The following TUBGCP3 variants were observed in gnomAD, a reference collection of about 807,000 sequenced individuals.
The protein encoded by TUBGCP3 is tubulin gamma complex component 3.
TUBGCP3 carries 50 observed loss-of-function variants against 123.1 expected under a neutral mutation model. The observed-to-expected ratio is 0.41, with a 90% CI of 0.32 to 0.51. The LOEUF is 0.51. Ranked by LOEUF, TUBGCP3 falls within the 20% of genes least tolerant of loss-of-function variation. TUBGCP3 has a pLI of 0.36. For missense variants in TUBGCP3, 882 were observed against 1,127.0 expected (o/e 0.78, Z 3.11); for synonymous variants, 405 against 413.9 (o/e 0.98, Z 0.26).
rs564229910 is a variant in TUBGCP3, at chr13:112,558,079, T to C, written c.548+117A>G. The C allele has an allele frequency of 2.6e-6, 3 of 1,138,106 alleles. No homozygotes were observed. The Admixed American group carries it at 7.8e-5, about 30-fold the overall frequency. The allele number at this position is 1,138,106 out of a possible 1,614,324, so 70.5% of individuals were successfully genotyped here. On this transcript the variant is annotated intron_variant, in intron 5 of 21. Coordinates refer to ENST00000261965, the MANE Select transcript of TUBGCP3 (RefSeq NM_006322.6). ...ATCGGACACAGTGCCCAGAACACTG[T>C]CTGGCACGTATGAGGCCCCACTGAT...
chr13:112,588,208 T>C, upstream of TUBGCP3: 1 of 394,678 alleles, frequency 2.5e-6, no homozygotes, highest in Non-Finnish European at 4.5e-6. Context: ...CGCGTGCGGC[T>C]GCCTAAGCGT....
chr13:112,568,069 A>G (rs1053828821), intron 2 of TUBGCP3, among the ~76,000 whole-genome samples: 3 of 151,520 alleles, frequency 2.0e-5, no homozygotes, highest in Non-Finnish European at 2.9e-5. Flanking sequence ...CCACGGCCAA[A>G]TGGACTTCTA....
intron 19 of TUBGCP3, 41 bp downstream of exon 19, chr13:112,503,991 A>G: frequency 6.4e-7 from 1 of 1,560,818 alleles, no homozygotes. Flanking sequence ...AAAGAAGATG[A>G]TTCTTTTGGT....
chr13:112,503,883 C>T (rs1208269933), intron 19 of TUBGCP3, 149 bp downstream of exon 19: 17 of 1,016,308 alleles, frequency 1.7e-5, no homozygotes, highest in Non-Finnish European at 2.2e-5. Context: ...AGAAACTGTA[C>T]CTTCAACAGT....
rs1218017195 is a variant in TUBGCP3, at chr13:112,489,610, G to C, written c.2536C>G (p.Gln846Glu). 3.1e-6 allele frequency: 5 copies of C among 1,614,182 alleles called. No individual in the cohort carries two copies. The Admixed American group carries it at 8.3e-5, about 27-fold the overall frequency. Residue 846 changes from glutamine (Q) to glutamate (E), a missense_variant, in exon 21 of 22, where the codon CAG (glutamine) becomes GAG (glutamate). Coordinates refer to ENST00000261965, the MANE Select transcript of TUBGCP3 (RefSeq NM_006322.6). ...FKESIPKMCS[Q>E]LRILTHFYQG... ...TAGAAATGGGTCAATATTCGCAACTGTGAGCACATTTTTGGTATAGATTCT... is the reference window on the plus strand; with the variant it reads ...TAGAAATGGGTCAATATTCGCAACTCTGAGCACATTTTTGGTATAGATTCT...
At chr13:112,523,208 G>C (rs2139073417) in intron 13 of TUBGCP3, among the ~76,000 whole-genome samples, 1 of 152,278 alleles carries the variant, frequency 6.6e-6, no homozygotes, top group South Asian at 2.1e-4. Flanking sequence ...ACTTAAGCTA[G>C]ACAATAACCC....
At chr13:112,596,267 T>C in the TUBGCP3 span, among the ~76,000 whole-genome samples, 1 of 152,236 alleles carries the variant, frequency 6.6e-6, no homozygotes, top group African/African-American at 2.4e-5. Context: ...TTTCATTTCC[T>C]ATTTCAAGAA....
chr13:112,491,002 G>C (rs1245127229), intron 20 of TUBGCP3, among the ~76,000 whole-genome samples: 1 of 152,204 alleles, frequency 6.6e-6, no homozygotes, highest in Non-Finnish European at 1.5e-5. Flanking sequence ...GAAAGAGTAA[G>C]TTCTTTCTCA....
chr13:112,536,702 A>G (rs1878083575), intron 11 of TUBGCP3, among the ~76,000 whole-genome samples: 1 of 152,198 alleles, frequency 6.6e-6, no homozygotes, highest in Non-Finnish European at 1.5e-5. Flanking sequence ...CTCTACCTAT[A>G]TATAATCTTT....
chr13:112,529,977 C>A (rs1322206831), intron 11 of TUBGCP3, among the ~76,000 whole-genome samples: 1 of 152,160 alleles, frequency 6.6e-6, no homozygotes, highest in Non-Finnish European at 1.5e-5. Context: ...AGAGAGAAGA[C>A]CCTGAAAACG....
intron 3 of TUBGCP3, among the ~76,000 whole-genome samples, chr13:112,563,316 C>T (rs1412213299): frequency 6.6e-6 from 1 of 152,140 alleles, no homozygotes; most frequent in Non-Finnish European, 1.5e-5. Context: ...CACACTTCTG[C>T]GGAGCCATTT....
chr13:112,579,403 G>A (rs1230553124), intron 1 of TUBGCP3, among the ~76,000 whole-genome samples: 4 of 123,380 alleles, frequency 3.2e-5, no homozygotes, highest in East Asian at 2.6e-4. Context: ...TGGGGCTCTC[G>A]CACACTGCTG....
chr13:112,554,035 A>T, intron 8 of TUBGCP3, 22 bp downstream of exon 8: 1 of 1,603,780 alleles, frequency 6.2e-7, no homozygotes, highest in Non-Finnish European at 8.5e-7. Flanking sequence ...GCATCCCAGC[A>T]TCCTAGGAAC....
At chr13:112,516,749 G>A (rs1055001165) in intron 16 of TUBGCP3, among the ~76,000 whole-genome samples, 174 bp from the exon 17 acceptor site, 3 of 152,094 alleles carry the variant, frequency 2.0e-5, no homozygotes, top group Admixed American at 6.5e-5. Context: ...GTACAGATGG[G>A]GAAACAGAGG....
intron 1 of TUBGCP3, among the ~76,000 whole-genome samples, chr13:112,585,480 C>A (rs568293312): frequency 2.0e-4 from 30 of 152,258 alleles, no homozygotes; most frequent in African/African-American, 7.0e-4. Flanking sequence ...TCAGAGAGGG[C>A]CGGGCGCAGT....
Position 112,558,220 on chromosome 13 carries a change from G to C in TUBGCP3, c.524C>G (p.Pro175Arg). ...IGLCALSGPA[P>R]APQSLLPGQS... ...CCCTGGGAGGAGAGATTGTGGCGCA[G>C]GCGCGGGGCCACTGAGGGCACACAG... Residue 175 changes from proline to arginine, a missense_variant, in exon 5 of 22, where the codon CCT becomes CGT. By Grantham distance (103) the Pro-to-Arg change is moderately radical. This residue lies in a region of TUBGCP3 where 713 missense variants were observed against 874.0 expected (regional missense o/e 0.82). Transcript: ENST00000261965. 6.2e-7 allele frequency: 1 copy of C among 1,611,552 alleles called. No homozygotes were observed. The highest frequency in any genetic ancestry group is 8.5e-7 in the Non-Finnish European group (1 of 1,179,520).
chr13:112,551,371 C>T (rs1594186284), intron 8 of TUBGCP3, among the ~76,000 whole-genome samples: 1 of 147,526 alleles, frequency 6.8e-6, no homozygotes. Flanking sequence ...TGATTTTGCT[C>T]CATTTGGTAT....
At chr13:112,605,053 TC>T in the TUBGCP3 span, 3 of 152,314 alleles carry the variant, frequency 2.0e-5, no homozygotes, top group Non-Finnish European at 4.4e-5. Context: ...ATGCCTGTAA[TC>T]CCAGCACTTT....
chr13:112,537,561 G>A (rs1203017615), intron 11 of TUBGCP3, among the ~76,000 whole-genome samples: 2 of 152,142 alleles, frequency 1.3e-5, no homozygotes, highest in African/African-American at 4.8e-5. Flanking sequence ...TTTTACTGAG[G>A]ATTTTTGCAT....
Sources: gnomAD v4.1 joint callset for allele counts (sites outside exome capture counted in the v4.1 genomes callset) on GRCh38, gnomAD v4.1.1 for gene constraint, gnomAD v4.1.1 regional missense constraint, MANE v1.5 for transcripts, NCBI Gene and HGNC (gene_info 2026-07-23, HGNC 2026-07-21) for gene names.